Variants in HOOK1 observed in about 807,000 individuals in gnomAD.
HOOK1 encodes the protein protein Hook homolog 1.
Under a neutral mutation model 112.8 loss-of-function variants are expected in HOOK1, and 60 were observed. That is an observed-to-expected ratio of 0.53 (90% CI 0.43 to 0.66). HOOK1 has a LOEUF of 0.66. Ranked by LOEUF, HOOK1 falls within the 30% of genes least tolerant of loss-of-function variation. The pLI is 0.00. For synonymous variants in HOOK1, 294 were observed against 283.8 expected, an observed-to-expected ratio of 1.04 and a Z score of -0.36; for missense variants, 770 against 856.0, an observed-to-expected ratio of 0.90 and a Z score of 1.25.
At chr1:59,851,511 A>G (rs2098407141) in intron 12 of HOOK1, among the ~76,000 whole-genome samples, 1 of 151,666 alleles carries the variant, frequency 6.6e-6, no homozygotes, top group African/African-American at 2.4e-5. Flanking sequence ...TGCATTGATC[A>G]TGAATCTTCC....
chr1:59,861,611 A>G (rs2098413653), intron 15 of HOOK1, among the ~76,000 whole-genome samples: 3 of 152,200 alleles, frequency 2.0e-5, no homozygotes. Context: ...TTTTCTATGG[A>G]TAAGGAATAT....
chr1:59,815,227 G>A, intron 1 of HOOK1, 47 bp downstream of exon 1: 1 of 1,520,726 alleles, frequency 6.6e-7, no homozygotes, highest in Non-Finnish European at 8.8e-7. Context: ...GGGCCGAGGC[G>A]AGGAGCCTGG....
At chr1:59,866,438 C>A (rs1643967257) in intron 19 of HOOK1, among the ~76,000 whole-genome samples, 1 of 152,132 alleles carries the variant, frequency 6.6e-6, no homozygotes, top group Non-Finnish European at 1.5e-5. Flanking sequence ...TTCAAATGTT[C>A]ATCACACTCA....
At chr1:59,832,862 T>G (rs1484615302) in intron 4 of HOOK1, among the ~76,000 whole-genome samples, 1 of 152,128 alleles carries the variant, frequency 6.6e-6, no homozygotes, top group Non-Finnish European at 1.5e-5. Flanking sequence ...CTCTAAAATT[T>G]TTCAATTTAT....
intron 8 of HOOK1, among the ~76,000 whole-genome samples, chr1:59,841,760 A>G (rs1246131992): frequency 6.6e-6 from 1 of 152,102 alleles, no homozygotes; most frequent in Non-Finnish European, 1.5e-5. Flanking sequence ...ATTCTTATTC[A>G]ATAAAGAACA....
At position 59,840,329 on chromosome 1, in the gene HOOK1, C is replaced by T; in HGVS notation, c.559C>T (p.Leu187Phe). ...TCAGCTTAAAAGAGCCTTGGAAGAA[C>T]TTCAGGAAGCACTAGCAGAAAAAGA... ...EQQLKRALEE[L>F]QEALAEKEEL... The change falls in exon 8 of 22, where the codon CTT (leucine) becomes TTT (phenylalanine). Residue 187 changes from leucine (L) to phenylalanine (F), a missense_variant. Physicochemically the swap from Leu to Phe is conservative, Grantham distance 22. Around this residue, in one of 3 missense-constraint regions of HOOK1, gnomAD observed 655 missense variants for 725.9 expected, o/e 0.90. Transcript: ENST00000371208. The T allele has an allele frequency of 6.3e-7, 1 of 1,592,564 alleles. No homozygotes were observed. Among genetic ancestry groups the T allele is most frequent in the Non-Finnish European group, 8.5e-7 (1 of 1,170,602 alleles).
At chr1:59,842,632 C>A (rs150117326) in intron 8 of HOOK1, among the ~76,000 whole-genome samples, 220 of 152,146 alleles carry the variant, frequency 1.4e-3, no homozygotes, top group African/African-American at 5.0e-3. Context: ...ATATGGATAG[C>A]AAACTTATTC....
chr1:59,854,340 G>A (rs1054985995), intron 12 of HOOK1, among the ~76,000 whole-genome samples: 13 of 151,714 alleles, frequency 8.6e-5, no homozygotes, highest in South Asian at 4.2e-4. Flanking sequence ...ATAAGCCACC[G>A]CGCCCAGCCA....
In HOOK1 at chr1:59,833,435, A is replaced by G. The variant is rs1427083138; in HGVS notation, c.304A>G (p.Ile102Val). Residue 102 changes from isoleucine (I) to valine (V), a missense_variant, in exon 5 of 22, where the codon ATC becomes GTC. Physicochemically the swap from Ile to Val is conservative, Grantham distance 29 (BLOSUM62 3). Around this residue, in one of 3 missense-constraint regions of HOOK1, gnomAD observed 655 missense variants for 725.9 expected, o/e 0.90. Transcript: ENST00000371208. ...FLGQQISEAL[I>V]PDLNQITECS... The stretch of plus-strand genomic sequence containing the variant: ...GGGGCAGCAGATTTCAGAAGCACTT[A>G]TCCCTGATTTAAACCAAATAACCGA... The G allele has an allele frequency of 1.3e-6, 2 of 1,562,144 alleles. No homozygotes were observed. The highest frequency in any genetic ancestry group is 1.8e-5 in the Admixed American group (1 of 57,090).
At chr1:59,847,931 G>T (rs545927745) in intron 10 of HOOK1, among the ~76,000 whole-genome samples, 1 of 151,744 alleles carries the variant, frequency 6.6e-6, no homozygotes, top group South Asian at 2.1e-4. Flanking sequence ...TCAAATACTT[G>T]GAAGGAAACT....
chr1:59,847,176 A>G lies in HOOK1; in HGVS notation c.920A>G (p.Asp307Gly). The G allele has an allele frequency of 6.2e-7, 1 of 1,602,988 alleles. No individual in the cohort carries two copies. Among genetic ancestry groups the G allele is most frequent in the Non-Finnish European group, 8.5e-7 (1 of 1,175,422 alleles). ...EETRALKDEIDVLRATSDKAN... is the reference protein window; with the variant it reads ...EETRALKDEIGVLRATSDKAN... ...ACAAGAGCCCTGAAAGATGAAATAG[A>G]TGTTCTTAGGTATGGCATGTCTTAA... Residue 307 changes from aspartate to glycine, a missense_variant, in exon 10 of 22, where the codon GAT (aspartate) becomes GGT (glycine). Transcript: ENST00000371208.
At chr1:59,833,572 T>G (rs1352152050) in intron 5 of HOOK1, 35 bp downstream of exon 5, 16 of 1,483,596 alleles carry the variant, frequency 1.1e-5, no homozygotes, top group Non-Finnish European at 1.5e-5. Flanking sequence ...GATTTCTACT[T>G]TCTAGAAACT....
intron 13 of HOOK1, among the ~76,000 whole-genome samples, 181 bp downstream of exon 13, chr1:59,858,696 C>G (rs2098411939): frequency 6.6e-6 from 1 of 151,140 alleles, no homozygotes; most frequent in African/African-American, 2.4e-5. Context: ...ATGATTGTAC[C>G]ACTGCACTCC....
chr1:59,840,913 T>G (rs544286093), intron 8 of HOOK1, among the ~76,000 whole-genome samples: 2 of 152,220 alleles, frequency 1.3e-5, no homozygotes, highest in East Asian at 3.9e-4. Flanking sequence ...TGAGCAACAA[T>G]AGTTAATGGT....
chr1:59,841,824 T>C (rs2098401174), intron 8 of HOOK1, among the ~76,000 whole-genome samples: 1 of 152,142 alleles, frequency 6.6e-6, no homozygotes, highest in Admixed American at 6.6e-5. Flanking sequence ...AAAGGATATA[T>C]GATCTGGTTT....
intron 9 of HOOK1, among the ~76,000 whole-genome samples, chr1:59,844,306 T>C (rs1467997968): frequency 1.3e-5 from 2 of 151,982 alleles, no homozygotes; most frequent in Non-Finnish European, 2.9e-5. Context: ...GTTGGACACA[T>C]GTCTCTTTAC....
chr1:59,854,011 TATATATATATATATATATA>T (rs2098408710), intron 12 of HOOK1, among the ~76,000 whole-genome samples: 1 of 18,300 alleles, frequency 5.5e-5, no homozygotes, highest in Non-Finnish European at 1.3e-4. Context: ...AATATATATA[TATATATATATATATATATA>T]TATATATATT....
At chr1:59,860,643 G>T (rs2098413079) in intron 15 of HOOK1, among the ~76,000 whole-genome samples, 1 of 151,924 alleles carries the variant, frequency 6.6e-6, no homozygotes, top group Admixed American at 6.6e-5. Flanking sequence ...GGAGTACAGT[G>T]GCGTGATCTT....
Position 59,865,213 on chromosome 1 carries a change from T to C in HOOK1, c.1712T>C (p.Ile571Thr), listed in dbSNP as rs561836542. 5.0e-6 allele frequency: 8 copies of C among 1,608,158 alleles called. No homozygotes were observed. Among genetic ancestry groups the C allele is most frequent in the Non-Finnish European group, 6.8e-6 (8 of 1,174,740 alleles). ...GAATTACAGAAGAAACAAGAACTCA[T>C]TGAAGATCTTCAGCCAGATATAAAT... ...HEELQKKQEL[I>T]EDLQPDINQN... is the part of the protein sequence containing the mutation. Residue 571 changes from isoleucine (I) to threonine (T), a missense_variant, in exon 18 of 22, where the codon ATT (isoleucine) becomes ACT (threonine). Ile to Thr is a moderately conservative substitution (Grantham distance 89, BLOSUM62 -1). Around this residue, in one of 3 missense-constraint regions of HOOK1, gnomAD observed 655 missense variants for 725.9 expected, o/e 0.90. Coordinates refer to ENST00000371208, the MANE Select transcript of HOOK1 (RefSeq NM_015888.6).
Sources: gnomAD v4.1 joint callset for allele counts (sites outside exome capture counted in the v4.1 genomes callset) on GRCh38, gnomAD v4.1.1 for gene constraint, gnomAD v4.1.1 regional missense constraint, MANE v1.5 for transcripts, NCBI Gene and HGNC (gene_info 2026-07-23, HGNC 2026-07-21) for gene names.